Variants in CBFA2T2 observed in about 807,000 individuals in gnomAD.
The protein encoded by CBFA2T2 is CBFA2/RUNX1 partner transcriptional co-repressor 2.
A neutral mutation model predicts 62.2 loss-of-function variants in CBFA2T2; 11 were observed. That is an observed-to-expected ratio of 0.18 (90% confidence interval 0.11 to 0.29). The LOEUF is 0.29. Among genes scored for constraint, CBFA2T2 ranks in the 10% least tolerant of loss-of-function variants. The probability of loss-of-function intolerance (pLI) is 1.00; values close to 1 mark genes in which losing one functional copy is unlikely to be tolerated. For synonymous variants in CBFA2T2, 295 were observed against 287.5 expected (o/e 1.03, Z -0.27); for missense variants, 592 against 774.1 (o/e 0.76, Z 2.79).
intron 1 of CBFA2T2, among the ~76,000 whole-genome samples, chr20:33,536,729 G>A (rs1220263523): frequency 2.7e-5 from 4 of 150,320 alleles, no homozygotes; most frequent in Admixed American, 1.3e-4. Flanking sequence ...CATCCCAGAC[G>A]GGGCGGCGGG....
chr20:33,607,088 C>G lies in CBFA2T2; in HGVS notation c.167C>G (p.Thr56Ser). The change falls in exon 2 of 11, where the codon ACT (threonine) becomes AGT (serine). Residue 56 changes from threonine to serine, a missense_variant. Transcript: ENST00000342704. Reference sequence around the variant, plus strand: ...GGAGGACCGAGGCCAGTGTCCTTCACTCCTACTGCATGTGAGACCTCTTAG... The same window carrying G: ...GGAGGACCGAGGCCAGTGTCCTTCAGTCCTACTGCATGTGAGACCTCTTAG... ...NPGGPRPVSF[T>S]PTALSNGINH... is the part of the protein sequence containing the mutation. The G allele has an allele frequency of 6.2e-7, 1 of 1,613,826 alleles. No homozygotes were observed. The highest frequency in any genetic ancestry group is 8.5e-7 in the Non-Finnish European group (1 of 1,179,828).
rs996422864 is a variant in CBFA2T2 at position 33,536,057 on chromosome 20, A to C, written c.34+45756A>C. On this transcript the variant is annotated intron_variant, in intron 1 of 10. Transcript: ENST00000342704. ...GGTACAGAACAAAATGAAAAGTCTC[A>C]CATGTCTACTTCTTTCTACACAGAC... Among the ~76,000 whole-genome samples, 64 of 152,332 alleles carry C rather than the reference A, an allele frequency of 4.2e-4. 2 individuals carry two copies. The South Asian group carries it at 8.7e-3, about 21-fold the overall frequency.
At position 33,626,255 on chromosome 20, in the gene CBFA2T2, T is replaced by C. The variant is rs115615367; in HGVS notation, c.946+1238T>C. ...GACCCTGCCTCAACACAATAAAAAA[T>C]GTTTTTAAAATTAAGCAGGAAAGAT... On this transcript the variant is annotated intron_variant, in intron 6 of 10. Coordinates refer to ENST00000342704, the MANE Select transcript of CBFA2T2 (RefSeq NM_001032999.3). Among the ~76,000 whole-genome samples, 848 of 152,242 alleles carry C rather than the reference T, an allele frequency of 5.6e-3. 5 individuals are homozygous for C. The highest frequency in any genetic ancestry group is 0.019 in the African/African-American group (792 of 41,534).
intron 1 of CBFA2T2, among the ~76,000 whole-genome samples, chr20:33,499,829 A>G (rs891511309): frequency 5.3e-5 from 8 of 152,166 alleles, no homozygotes; most frequent in Admixed American, 3.9e-4. Context: ...AAAAAAGAAA[A>G]AAAGAAATGA....
At chr20:33,625,294 T>C (rs1481332381) in intron 6 of CBFA2T2, among the ~76,000 whole-genome samples, 1 of 152,138 alleles carries the variant, frequency 6.6e-6, no homozygotes, top group Non-Finnish European at 1.5e-5. Context: ...GAAGCCAGTC[T>C]GGGCAACATA....
intron 9 of CBFA2T2, among the ~76,000 whole-genome samples, 193 bp from the exon 10 acceptor site, chr20:33,640,148 C>T (rs2016775703): frequency 6.6e-6 from 1 of 152,156 alleles, no homozygotes; most frequent in East Asian, 1.9e-4. Context: ...AGCCCTAGCT[C>T]GGTGCCCACC....
chr20:33,507,426 A>C (rs1237836383), intron 1 of CBFA2T2, among the ~76,000 whole-genome samples: 1 of 152,194 alleles, frequency 6.6e-6, no homozygotes, highest in Admixed American at 6.6e-5. Flanking sequence ...CTTAGAGAAA[A>C]TGATATCTGT....
At chr20:33,494,608 A>G (rs754196467) in intron 1 of CBFA2T2, among the ~76,000 whole-genome samples, 1 of 138,776 alleles carries the variant, frequency 7.2e-6, no homozygotes, top group African/African-American at 2.7e-5. Context: ...GTTTTGTTTT[A>G]TTTTGTTTTG....
chr20:33,490,287 C>A lies in CBFA2T2; in HGVS notation c.20C>A (p.Ala7Glu). The A allele has an allele frequency of 7.9e-7, 1 of 1,266,642 alleles. No homozygotes were observed. The allele number at this position is 1,266,642 out of a possible 1,614,324, so 78.5% of individuals were successfully genotyped here. A position where few individuals can be genotyped will look rare whatever the true frequency, so the allele number is the denominator to read the frequency against. MVGVPG[A>E]AAFQLGPEKR... ...TCGGCGATGGTAGGCGTCCCTGGAG[C>A]GGCCGCCTTCCAGCGTAAGTGGGGC... is the stretch of plus-strand genomic sequence containing the variant. Residue 7 changes from alanine to glutamate, a missense_variant, in exon 1 of 11, where the codon GCG becomes GAG. Physicochemically the swap from Ala to Glu is moderately radical, Grantham distance 107 (BLOSUM62 -1). Around this residue, in one of 3 missense-constraint regions of CBFA2T2, gnomAD observed 449 missense variants for 551.2 expected, o/e 0.81. Transcript: ENST00000342704.
In CBFA2T2 at chr20:33,548,802, G is replaced by A. The variant is rs577017754; in HGVS notation, c.35-58154G>A. On this transcript the variant is annotated intron_variant, in intron 1 of 10. Transcript: ENST00000342704. ...GAAACCCTGTGTCTACCCTTCCCCC[G>A]AAAAAAAGCCAGACATGGTGGCATT... Among the ~76,000 whole-genome samples, 7 of 152,024 alleles carry A rather than the reference G, an allele frequency of 4.6e-5. No homozygotes were observed. The South Asian group carries it at 1.0e-3, about 23-fold the overall frequency.
rs778654660 is a variant in CBFA2T2, at chr20:33,629,861, C to G, written c.1175C>G (p.Thr392Ser). ...NENTELRKTG[T>S]ELVSRQHSPG... ...AACACAGAGCTGAGGAAAACGGGGA[C>G]CGAGTTGGTCTCCAGGCAGCACAGC... The change falls in exon 8 of 11, where the codon ACC becomes AGC. Residue 392 changes from threonine (T) to serine (S), a missense_variant. Thr to Ser is a moderately conservative substitution (Grantham distance 58). This residue lies in a region of CBFA2T2 where 449 missense variants were observed against 551.2 expected (regional missense o/e 0.81). Coordinates refer to ENST00000342704, the MANE Select transcript of CBFA2T2 (RefSeq NM_001032999.3). 3 of 1,614,072 alleles carry G rather than the reference C, an allele frequency of 1.9e-6. No homozygotes were observed. The highest frequency in any genetic ancestry group is 2.5e-6 in the Non-Finnish European group (3 of 1,180,012).
At chr20:33,502,469 C>A (rs6120280) in intron 1 of CBFA2T2, among the ~76,000 whole-genome samples, 1 of 151,294 alleles carries the variant, frequency 6.6e-6, no homozygotes, top group South Asian at 2.1e-4. Flanking sequence ...TGCAGTGGCC[C>A]GATCTCGGCT....
intron 1 of CBFA2T2, among the ~76,000 whole-genome samples, chr20:33,596,549 T>C (rs2014899095): frequency 6.6e-6 from 1 of 152,174 alleles, no homozygotes; most frequent in Non-Finnish European, 1.5e-5. Flanking sequence ...TTTCCTTGGC[T>C]TTTCTTTTTC....
rs1465934143 is a variant in CBFA2T2 at position 33,544,985 on chromosome 20, T to TAGAACAGAACAGAACAGAACAGAAC, written c.34+54688_34+54689insCAGAACAGAACAGAACAGAACAGAA. 2.7e-3 allele frequency among the ~76,000 whole-genome samples: 357 copies of TAGAACAGAACAGAACAGAACAGAAC among 134,596 alleles called. 7 individuals carry two copies. The highest frequency in any genetic ancestry group is 0.01 in the African/African-American group (305 of 30,172). 88.3% of individuals were successfully genotyped at this position (134,596 alleles called of 152,430 possible). A position where few individuals can be genotyped will look rare whatever the true frequency, so the allele number is the denominator to read the frequency against. Reference sequence around the variant, plus strand: ...TAGAATAGAATAGAATAGAATAGAATAGAATAGAATAGAATAGAATAGAAT... The same window carrying TAGAACAGAACAGAACAGAACAGAAC: ...TAGAATAGAATAGAATAGAATAGAATAGAACAGAACAGAACAGAACAGAACAGAATAGAATAGAATAGAATAGAAT... On this transcript the variant is annotated intron_variant, in intron 1 of 10. Coordinates refer to ENST00000342704, the MANE Select transcript of CBFA2T2 (RefSeq NM_001032999.3).
At chr20:33,573,952 T>C in intron 1 of CBFA2T2, 2 of 427,712 alleles carry the variant, frequency 4.7e-6, no homozygotes, top group African/African-American at 2.1e-5. Context: ...GGCTAATTTT[T>C]CTTATTTTTT....
intron 3 of CBFA2T2, among the ~76,000 whole-genome samples, 190 bp from the exon 4 acceptor site, chr20:33,619,327 A>G (rs2015841952): frequency 1.3e-5 from 2 of 152,036 alleles, no homozygotes; most frequent in Admixed American, 1.3e-4. Flanking sequence ...CCGTCAGGAG[A>G]TCACAGGAGG....
intron 1 of CBFA2T2, among the ~76,000 whole-genome samples, chr20:33,541,866 A>G (rs1418922195): frequency 6.6e-6 from 1 of 151,754 alleles, no homozygotes; most frequent in Admixed American, 6.6e-5. Flanking sequence ...TCTTAGTGCT[A>G]CAGGTTTTTG....
intron 1 of CBFA2T2, among the ~76,000 whole-genome samples, chr20:33,603,136 A>G (rs1282184204): frequency 2.0e-5 from 3 of 152,196 alleles, no homozygotes; most frequent in Non-Finnish European, 4.4e-5. Flanking sequence ...GGAAACTGAA[A>G]CTGCAGATAA....
At chr20:33,600,337 G>A (rs538684823) in intron 1 of CBFA2T2, 4 of 223,694 alleles carry the variant, frequency 1.8e-5, no homozygotes, top group East Asian at 1.8e-4. Context: ...GATTACAGAC[G>A]CCTGCCACCA....
Sources: allele counts gnomAD v4.1 joint callset (sites outside exome capture counted in the v4.1 genomes callset), GRCh38; gene constraint gnomAD v4.1.1; regional missense constraint gnomAD v4.1.1; transcripts MANE v1.5; gene names NCBI Gene and HGNC (gene_info 2026-07-23, HGNC 2026-07-21).